The following ALDH1L1 variants were observed in gnomAD, a reference collection of about 807,000 sequenced individuals.
ALDH1L1 encodes the protein cytosolic 10-formyltetrahydrofolate dehydrogenase.
ALDH1L1 carries 68 observed loss-of-function variants against 101.1 expected under a neutral mutation model. The ratio of observed to expected loss-of-function variants is 0.67; its 90% confidence interval spans 0.55 to 0.82. ALDH1L1 has a LOEUF of 0.82. ALDH1L1 is among the 40% of genes least tolerant of loss of function. ALDH1L1 has a pLI of 0.00. For synonymous variants in ALDH1L1, 486 were observed against 470.8 expected, an observed-to-expected ratio of 1.03 and a Z score of -0.42; for missense variants, 1,087 against 1,172.7, an observed-to-expected ratio of 0.93 and a Z score of 1.07.
At chr3:126,159,168 C>T (rs1264637216) in intron 2 of ALDH1L1, among the ~76,000 whole-genome samples, 2 of 152,100 alleles carry the variant, frequency 1.3e-5, no homozygotes, top group African/African-American at 4.8e-5. Flanking sequence ...AGAGCAATGG[C>T]TAAATCAGTT....
At chr3:126,116,308 T>C (rs2079971134) in intron 17 of ALDH1L1, among the ~76,000 whole-genome samples, 1 of 151,852 alleles carries the variant, frequency 6.6e-6, no homozygotes, top group East Asian at 1.9e-4. Context: ...CAGTGCGTGA[T>C]CTCGGCTCAT....
chr3:126,182,903 C>A (rs1163345493), upstream of ALDH1L1, among the ~76,000 whole-genome samples: 1 of 152,108 alleles, frequency 6.6e-6, no homozygotes, highest in Non-Finnish European at 1.5e-5. Context: ...CTTCTTCTTG[C>A]TGCTTATACT....
intron 1 of ALDH1L1, among the ~76,000 whole-genome samples, chr3:126,169,989 C>T (rs1022754405): frequency 6.6e-6 from 1 of 152,042 alleles, no homozygotes; most frequent in African/African-American, 2.4e-5. Context: ...CTCCTGGATA[C>T]ATCATATTCA....
chr3:126,143,070 C>G (rs2080598657), intron 9 of ALDH1L1, among the ~76,000 whole-genome samples: 1 of 152,162 alleles, frequency 6.6e-6, no homozygotes, highest in Admixed American at 6.5e-5. Context: ...TTACATTAAC[C>G]TACAGTTGGG....
chr3:126,107,196 T>C lies in ALDH1L1; in HGVS notation c.2398A>G (p.Ile800Val). ...VFTDVEDHMF[I>V]AKEESFGPVM... is the part of the protein sequence containing the mutation. ...GGCCCGAAGGACTCCTCCTTGGCTATGAACATGTGGTCTTCCACGTCTGTG... is the reference window on the plus strand; with the variant it reads ...GGCCCGAAGGACTCCTCCTTGGCTACGAACATGTGGTCTTCCACGTCTGTG... The change falls in exon 21 of 23, where the codon ATA becomes GTA. Residue 800 changes from isoleucine (I) to valine (V), a missense_variant. Ile to Val is a conservative substitution (Grantham distance 29). Transcript: ENST00000393434. The C allele has an allele frequency of 6.2e-7, 1 of 1,614,166 alleles. No homozygotes were observed. The highest frequency in any genetic ancestry group is 8.5e-7 in the Non-Finnish European group (1 of 1,180,018).
rs927352013 is a variant in ALDH1L1, at chr3:126,132,647, C to T, written c.1473-1113G>A. Among the ~76,000 whole-genome samples, 13 of 152,176 alleles carry T rather than the reference C, an allele frequency of 8.5e-5. No homozygotes were observed. The East Asian group carries it at 1.4e-3, about 16-fold the overall frequency. ...TAGCCTTCTGTACTTGTTTCAGACA[C>T]GGACTCAATGGGAAGCCGACCCAAA... On this transcript the variant is annotated intron_variant, in intron 12 of 22. Coordinates refer to ENST00000393434, the MANE Select transcript of ALDH1L1 (RefSeq NM_012190.4).
chr3:126,193,948 A>G (rs2081567360), intron 1 of ALDH1L1, among the ~76,000 whole-genome samples: 1 of 152,192 alleles, frequency 6.6e-6, no homozygotes, highest in Admixed American at 6.5e-5. Flanking sequence ...TTCTAAAGTT[A>G]TTAGAAACCT....
chr3:126,189,842 TGA>T (rs1470393476), intron 1 of ALDH1L1, among the ~76,000 whole-genome samples: 1 of 152,216 alleles, frequency 6.6e-6, no homozygotes, highest in Non-Finnish European at 1.5e-5. Context: ...GGAGTGAATC[TGA>T]TTCCCCGCAA....
At position 126,113,296 on chromosome 3, in the gene ALDH1L1, G is replaced by A. The variant is rs542516071; in HGVS notation, c.2083-416C>T. On this transcript the variant is annotated intron_variant, in intron 18 of 22. Transcript: ENST00000393434. ...GGAGCTGACAGGAGAGATGCCAGCC[G>A]TGTGTGTAAGCATGGAGCAGGCGGT... 3.9e-5 allele frequency among the ~76,000 whole-genome samples: 6 copies of A among 152,328 alleles called. 1 individual carries two copies. In the South Asian group the frequency reaches 6.2e-4, roughly 16 times the overall value.
At chr3:126,182,001 A>G (rs1373507129), upstream of ALDH1L1, among the ~76,000 whole-genome samples, 1 of 151,688 alleles carries the variant, frequency 6.6e-6, no homozygotes, top group African/African-American at 2.4e-5. Flanking sequence ...TGTCCAGAGA[A>G]CCCCCATCAT....
At chr3:126,179,254 C>G (rs2081424959) in intron 1 of ALDH1L1, among the ~76,000 whole-genome samples, 1 of 152,254 alleles carries the variant, frequency 6.6e-6, no homozygotes, top group African/African-American at 2.4e-5. Flanking sequence ...ACCCTCCTAC[C>G]CAATTCCCAG....
Position 126,103,962 on chromosome 3 carries a change from C to T in ALDH1L1, c.2654-116G>A, listed in dbSNP as rs1254212820. 2.0e-5 allele frequency: 24 copies of T among 1,183,756 alleles called. 1 individual carries two copies. Among genetic ancestry groups the T allele is most frequent in the Non-Finnish European group, 1.2e-6 (1 of 825,346 alleles). The allele number at this position is 1,183,756 out of a possible 1,614,324, so 73.3% of individuals were successfully genotyped here. On this transcript the variant is annotated intron_variant, in intron 22 of 22. Coordinates refer to ENST00000393434, the MANE Select transcript of ALDH1L1 (RefSeq NM_012190.4). ...GGGGCAGCTCTGGCTCACCCCACTT[C>T]CAGGTGAGAAGTCGAGGCCCAGCGA...
chr3:126,143,411 T>G (rs2080607606), intron 9 of ALDH1L1, among the ~76,000 whole-genome samples: 2 of 152,098 alleles, frequency 1.3e-5, no homozygotes, highest in African/African-American at 4.8e-5. Flanking sequence ...CAGCATGAGA[T>G]TTCATCATTC....
chr3:126,192,937 G>A (rs1370922682), intron 1 of ALDH1L1, among the ~76,000 whole-genome samples: 1 of 152,178 alleles, frequency 6.6e-6, no homozygotes, highest in Non-Finnish European at 1.5e-5. Context: ...GTGACATACA[G>A]GAATCGGAGG....
intron 6 of ALDH1L1, among the ~76,000 whole-genome samples, 167 bp downstream of exon 6, chr3:126,154,387 C>A (rs2080864947): frequency 6.6e-6 from 1 of 152,206 alleles, no homozygotes; most frequent in African/African-American, 2.4e-5. Context: ...CTGGGTAGGT[C>A]TCTCACTCCT....
chr3:126,148,405 G>A (rs561263960), intron 8 of ALDH1L1, among the ~76,000 whole-genome samples: 278 of 152,328 alleles, frequency 1.8e-3, no homozygotes, highest in African/African-American at 6.3e-3. Context: ...CTCTTGGAGC[G>A]TTCTCCTGAA....
chr3:126,189,715 C>G (rs1339416300), intron 1 of ALDH1L1, among the ~76,000 whole-genome samples: 1 of 152,150 alleles, frequency 6.6e-6, no homozygotes, highest in African/African-American at 2.4e-5. Flanking sequence ...TACATGAAAG[C>G]CTTACATTAT....
rs1210131823 is a variant in ALDH1L1 at position 126,160,980 on chromosome 3, G to A, written c.-1C>T. On this transcript the variant is annotated 5_prime_UTR_variant, in exon 2 of 23. Coordinates refer to ENST00000393434, the MANE Select transcript of ALDH1L1 (RefSeq NM_012190.4). ...TCTGTCCAATCACTGCAATCTTCAT[G>A]GTAGCAGGAGGGTTGGAAGGACCTG... 3.1e-6 allele frequency: 5 copies of A among 1,614,064 alleles called. No individual in the cohort carries two copies. The highest frequency in any genetic ancestry group is 4.2e-6 in the Non-Finnish European group (5 of 1,180,050).
chr3:126,165,104 T>C (rs757148331), intron 1 of ALDH1L1, among the ~76,000 whole-genome samples: 2 of 152,172 alleles, frequency 1.3e-5, no homozygotes, highest in African/African-American at 2.4e-5. Flanking sequence ...CATTTTTTAA[T>C]GGGGTTATTT....
Sources: allele counts gnomAD v4.1 joint callset (sites outside exome capture counted in the v4.1 genomes callset), GRCh38; gene constraint gnomAD v4.1.1; transcripts MANE v1.5; gene names NCBI Gene and HGNC (gene_info 2026-07-23, HGNC 2026-07-21).